Variants in MARCHF10 observed in about 807,000 individuals in gnomAD.
MARCHF10 encodes the protein membrane associated ring-CH-type finger 10, also known as probable E3 ubiquitin-protein ligase MARCHF10.
In MARCHF10, 64 loss-of-function variants were observed where a neutral mutation model predicts 76.2. That is an observed-to-expected ratio of 0.84 (90% CI 0.69 to 1.03). The LOEUF (loss-of-function observed/expected upper bound fraction) is 1.03, where lower values mean the gene tolerates loss of function less well. Among genes scored for constraint, MARCHF10 ranks in the 50% least tolerant of loss-of-function variants. MARCHF10 has a pLI of 0.00. For missense variants in MARCHF10, 875 were observed against 958.0 expected, an observed-to-expected ratio of 0.91 and a Z score of 1.14; for synonymous variants, 340 against 357.5, an observed-to-expected ratio of 0.95 and a Z score of 0.55.
At chr17:62,706,082 G>A (rs770863977) in intron 9 of MARCHF10, 1 of 154,098 alleles carries the variant, frequency 6.5e-6, no homozygotes, top group African/African-American at 2.4e-5. Flanking sequence ...CTCCGTGGGA[G>A]CCCATTGTGC....
At position 62,714,832 on chromosome 17, in the gene MARCHF10, G is replaced by A. The variant is rs144710393; in HGVS notation, c.2215-3488C>T. ...GTGATCTCGGCTCACTGCAACCTCC[G>A]CCTCCCAGGTTTAAGTGATTCTCCT... On this transcript the variant is annotated intron_variant, in intron 8 of 10. Transcript: ENST00000311269. Among the ~76,000 whole-genome samples, 784 of 149,798 alleles carry A rather than the reference G, an allele frequency of 5.2e-3. 8 individuals carry two copies. The highest frequency in any genetic ancestry group is 0.018 in the African/African-American group (716 of 40,656).
intron 4 of MARCHF10, among the ~76,000 whole-genome samples, chr17:62,756,153 C>T (rs2092035207): frequency 6.6e-6 from 1 of 152,118 alleles, no homozygotes; most frequent in Admixed American, 6.6e-5. Context: ...GAGGCTGAGG[C>T]AGGATAATTG....
chr17:62,778,104 A>G (rs1301910721), intron 3 of MARCHF10, among the ~76,000 whole-genome samples: 1 of 152,210 alleles, frequency 6.6e-6, no homozygotes, highest in Non-Finnish European at 1.5e-5. Flanking sequence ...GATGTACCCC[A>G]TGGTGGGCAT....
intron 3 of MARCHF10, among the ~76,000 whole-genome samples, chr17:62,767,326 T>C (rs2092355631): frequency 6.6e-6 from 1 of 152,230 alleles, no homozygotes; most frequent in Non-Finnish European, 1.5e-5. Flanking sequence ...AGCATAATTC[T>C]TTTCTTTATT....
In MARCHF10 at chr17:62,737,182, C is replaced by T; in HGVS notation, c.686G>A (p.Ser229Asn). ...CTGGGACAGGGCTGGATGCAGCTCA[C>T]TCTGGGAAGGAGCACTCGGGTCTCC... ...KKGDPSAPSQ[S>N]ELHPALSQAF... The change falls in exon 6 of 11, where the codon AGT (serine) becomes AAT (asparagine). Residue 229 changes from serine (S) to asparagine (N), a missense_variant. Ser to Asn is a conservative substitution (Grantham distance 46). Coordinates refer to ENST00000311269, the MANE Select transcript of MARCHF10 (RefSeq NM_152598.4). The T allele has an allele frequency of 6.2e-7, 1 of 1,614,048 alleles. No homozygotes were observed. The highest frequency in any genetic ancestry group is 8.5e-7 in the Non-Finnish European group (1 of 1,180,014).
rs572249819 is a variant in MARCHF10 at position 62,711,930 on chromosome 17, C to T, written c.2215-586G>A. 1.1e-4 allele frequency among the ~76,000 whole-genome samples: 17 copies of T among 152,316 alleles called. No homozygotes were observed. The highest frequency in any genetic ancestry group is 3.4e-4 in the African/African-American group (14 of 41,584). On this transcript the variant is annotated intron_variant, in intron 8 of 10. Transcript: ENST00000311269. The surrounding 1 kb of genome is among the most constrained non-coding windows in gnomAD (Gnocchi z 4.4). ...GCATATCACCTTTTGCACTTGTTAA[C>T]GTTTCCGCTTTCTCTTGAGGAGTGG...
At chr17:62,739,212 T>A (rs1429482914) in intron 5 of MARCHF10, among the ~76,000 whole-genome samples, 1 of 151,988 alleles carries the variant, frequency 6.6e-6, no homozygotes, top group Non-Finnish European at 1.5e-5. Flanking sequence ...GGCAGGAGAA[T>A]CGCTTGAACC....
chr17:62,797,386 A>G (rs983927545), intron 2 of MARCHF10, among the ~76,000 whole-genome samples: 2 of 152,078 alleles, frequency 1.3e-5, no homozygotes, highest in African/African-American at 4.8e-5. Context: ...TTGTATTTTT[A>G]GTAGAGACGG....
intron 3 of MARCHF10, among the ~76,000 whole-genome samples, chr17:62,774,800 A>T (rs963393107): frequency 1.2e-4 from 19 of 152,092 alleles, no homozygotes; most frequent in Non-Finnish European, 2.1e-4. Context: ...TCACGCCTGT[A>T]ATCTCAGCAC....
intron 3 of MARCHF10, among the ~76,000 whole-genome samples, chr17:62,771,157 A>G (rs1446036830): frequency 1.3e-5 from 2 of 152,168 alleles, no homozygotes; most frequent in Non-Finnish European, 2.9e-5. Flanking sequence ...ATGTAATCTA[A>G]TAATTATTAA....
chr17:62,736,098 A>T lies in MARCHF10; in HGVS notation c.1770T>A (p.His590Gln). ...PSRMNSEGHL[H>Q]VSGSLQENTP... ...TATTTTCTTGCAGAGACCCAGACAC[A>T]TGCAAATGGCCTTCTGAGTTCATTC... Residue 590 changes from histidine to glutamine, a missense_variant, in exon 6 of 11, where the codon CAT (histidine) becomes CAA (glutamine). By Grantham distance (24) the His-to-Gln change is conservative (BLOSUM62 0). Coordinates refer to ENST00000311269, the MANE Select transcript of MARCHF10 (RefSeq NM_152598.4). 1.2e-6 allele frequency: 2 copies of T among 1,614,204 alleles called. No individual in the cohort carries two copies. Among genetic ancestry groups the T allele is most frequent in the Non-Finnish European group, 1.7e-6 (2 of 1,180,030 alleles).
intron 4 of MARCHF10, among the ~76,000 whole-genome samples, chr17:62,751,819 G>C (rs1450748460): frequency 6.6e-6 from 1 of 152,096 alleles, no homozygotes; most frequent in Non-Finnish European, 1.5e-5. Context: ...TCAGGAGTTC[G>C]ATACCAGCCT....
chr17:62,792,685 T>TTACCAC (rs2092870981), intron 2 of MARCHF10, among the ~76,000 whole-genome samples: 3 of 98,128 alleles, frequency 3.1e-5, no homozygotes, highest in East Asian at 3.6e-4. Flanking sequence ...ACCACCTCCA[T>TTACCAC]CACCACCATC....
At chr17:62,704,901 TGACTTC>T (rs1357772094) in intron 10 of MARCHF10, 15 of 983,002 alleles carry the variant, frequency 1.5e-5, no homozygotes, top group Non-Finnish European at 1.8e-5. Context: ...TTCCCGAGTC[TGACTTC>T]GAGCCCGCCT....
At chr17:62,760,480 G>C (rs1391991250) in intron 3 of MARCHF10, among the ~76,000 whole-genome samples, 1 of 152,190 alleles carries the variant, frequency 6.6e-6, no homozygotes, top group Non-Finnish European at 1.5e-5. Flanking sequence ...TCAATACTCT[G>C]CGTTACTGGG....
At chr17:62,719,834 C>T (rs1471562012) in intron 8 of MARCHF10, among the ~76,000 whole-genome samples, 1 of 152,098 alleles carries the variant, frequency 6.6e-6, no homozygotes, top group Non-Finnish European at 1.5e-5. Context: ...CTCACAAGTT[C>T]TTGGATATCC....
intron 3 of MARCHF10, among the ~76,000 whole-genome samples, chr17:62,762,168 T>A (rs1228959667): frequency 1.3e-5 from 2 of 152,198 alleles, no homozygotes; most frequent in South Asian, 4.1e-4. Flanking sequence ...CCTTTATTGG[T>A]TGAGCTGTTA....
At chr17:62,762,338 T>C (rs899665959) in intron 3 of MARCHF10, among the ~76,000 whole-genome samples, 3 of 152,206 alleles carry the variant, frequency 2.0e-5, no homozygotes, top group Non-Finnish European at 2.9e-5. Flanking sequence ...TATTTCTAGG[T>C]AGTAATCATT....
intron 3 of MARCHF10, among the ~76,000 whole-genome samples, chr17:62,785,901 A>T (rs985327240): frequency 1.3e-5 from 2 of 152,214 alleles, no homozygotes; most frequent in African/African-American, 4.8e-5. Flanking sequence ...GGAAGTGGAG[A>T]AATAGGAACA....
Sources: gnomAD v4.1 joint callset for allele counts (sites outside exome capture counted in the v4.1 genomes callset) on GRCh38, gnomAD v4.1.1 for gene constraint, Gnocchi (gnomAD v3.1) non-coding constraint, MANE v1.5 for transcripts, NCBI Gene and HGNC (gene_info 2026-07-23, HGNC 2026-07-21) for gene names.